The following GABRA2 variants were observed in gnomAD, a reference collection of about 807,000 sequenced individuals.
GABRA2 encodes gamma-aminobutyric acid receptor subunit alpha-2.
A neutral mutation model predicts 48.7 loss-of-function variants in GABRA2; 16 were observed. That is an observed-to-expected ratio of 0.33 (90% confidence interval 0.22 to 0.50). The LOEUF is 0.50. Among genes scored for constraint, GABRA2 ranks in the 20% least tolerant of loss-of-function variants. The pLI is 0.98. For missense variants in GABRA2, 275 were observed against 535.6 expected, an observed-to-expected ratio of 0.51 and a Z score of 4.80; for synonymous variants, 185 against 184.5, an observed-to-expected ratio of 1.00 and a Z score of -0.02.
intron 4 of GABRA2, among the ~76,000 whole-genome samples, chr4:46,327,215 T>A (rs1391864852): frequency 6.6e-6 from 1 of 151,950 alleles, no homozygotes; most frequent in Non-Finnish European, 1.5e-5. Context: ...TAAAGTCAAA[T>A]ACCTTATCAT....
At chr4:46,366,458 A>G (rs1186228807) in intron 3 of GABRA2, 2 of 152,092 alleles carry the variant, frequency 1.3e-5, no homozygotes, top group Non-Finnish European at 2.9e-5. Context: ...CATTGATACC[A>G]CCTTTGTTTG....
chr4:46,265,459 A>ATATATTGTG (rs1491193216), intron 8 of GABRA2, among the ~76,000 whole-genome samples: 6 of 130,658 alleles, frequency 4.6e-5, no homozygotes, highest in Admixed American at 2.5e-4. Context: ...TATATATATA[A>ATATATTGTG]TATATATATA....
rs974717399 is a variant in GABRA2, at chr4:46,243,691, A to C, written c.*6617T>G. 3 of 151,460 alleles carry C rather than the reference A, an allele frequency of 2.0e-5. No individual in the cohort carries two copies. Among genetic ancestry groups the C allele is most frequent in the Non-Finnish European group, 4.4e-5 (3 of 67,572 alleles). 9.4% of individuals were successfully genotyped at this position (151,460 alleles called of 1,614,324 possible). On this transcript the variant is annotated 3_prime_UTR_variant, in exon 10 of 10. Transcript: ENST00000381620. ...CTAGTGGCCTTTCCCAATTACAACAAGGTCACAATTACAAATATTAGTTCT... is the reference window on the plus strand; with the variant it reads ...CTAGTGGCCTTTCCCAATTACAACACGGTCACAATTACAAATATTAGTTCT...
chr4:46,283,212 A>G (rs1380849045), intron 8 of GABRA2, among the ~76,000 whole-genome samples: 2 of 152,174 alleles, frequency 1.3e-5, no homozygotes, highest in Non-Finnish European at 2.9e-5. Flanking sequence ...GACACACAGA[A>G]ATTATTAAGA....
intron 8 of GABRA2, among the ~76,000 whole-genome samples, chr4:46,297,616 G>T (rs1175556743): frequency 5.3e-5 from 8 of 149,654 alleles, no homozygotes; most frequent in Non-Finnish European, 1.2e-4. Flanking sequence ...CCTACTTTCT[G>T]ATTTTATTTT....
intron 3 of GABRA2, chr4:46,365,724 C>G (rs574453732): frequency 1.3e-5 from 2 of 152,214 alleles, no homozygotes; most frequent in Admixed American, 1.3e-4. Context: ...TAAGAACATG[C>G]TCAAACCAGA....
At chr4:46,256,374 A>G in intron 9 of GABRA2, 1 of 610,544 alleles carries the variant, frequency 1.6e-6, no homozygotes, top group South Asian at 2.0e-5. Context: ...ATTGAAGGGG[A>G]CTACAAGAAA....
intron 3 of GABRA2, among the ~76,000 whole-genome samples, chr4:46,334,775 G>T (rs1185895131): frequency 6.6e-6 from 1 of 152,048 alleles, no homozygotes; most frequent in Non-Finnish European, 1.5e-5. Context: ...GTTATTTTTA[G>T]AAAAAGAAAT....
chr4:46,377,764 C>A (rs1305937650), intron 3 of GABRA2, among the ~76,000 whole-genome samples: 2 of 136,704 alleles, frequency 1.5e-5, no homozygotes, highest in Non-Finnish European at 3.2e-5. Context: ...CCAGCCGCCC[C>A]GTCCGGGAAG....
At chr4:46,256,131 T>C (rs920911884) in intron 9 of GABRA2, 2 of 450,756 alleles carry the variant, frequency 4.4e-6, no homozygotes, top group Admixed American at 7.4e-5. Flanking sequence ...AACGTGCTCA[T>C]TGGTCAGATA....
Position 46,250,553 on chromosome 4 carries a change from C to T in GABRA2, c.1111G>A (p.Val371Ile), listed in dbSNP as rs750435359. Residue 371 changes from valine to isoleucine, a missense_variant, in exon 10 of 10, where the codon GTT (valine) becomes ATT (isoleucine). By Grantham distance (29) the Val-to-Ile change is conservative (BLOSUM62 3). This residue lies in a region of GABRA2 where 99 missense variants were observed against 124.3 expected (regional missense o/e 0.80). Transcript: ENST00000381620. ...MIQNNAYAVA[V>I]ANYAPNLSKD... ...GAAAGATTCGGGGCATAATTGGCAA[C>T]AGCCACTGCATAAGCGTTGTTCTGT... 4 of 1,611,406 alleles carry T rather than the reference C, an allele frequency of 2.5e-6. No homozygotes were observed. Among genetic ancestry groups the T allele is most frequent in the Non-Finnish European group, 3.4e-6 (4 of 1,178,410 alleles).
intron 3 of GABRA2, among the ~76,000 whole-genome samples, chr4:46,334,856 T>C (rs909848271): frequency 1.3e-5 from 2 of 152,172 alleles, no homozygotes; most frequent in South Asian, 2.1e-4. Context: ...TGTCCTGCTA[T>C]GGAAGTTCCG....
intron 8 of GABRA2, among the ~76,000 whole-genome samples, chr4:46,296,577 G>A (rs1005133359): frequency 4.8e-5 from 7 of 145,974 alleles, no homozygotes; most frequent in Non-Finnish European, 1.0e-4. Context: ...AGGTCAATGG[G>A]AAATTATAAC....
intron 8 of GABRA2, among the ~76,000 whole-genome samples, chr4:46,273,484 CAT>C (rs1250189953): frequency 3.9e-3 from 73 of 18,890 alleles, no homozygotes; most frequent in Admixed American, 5.6e-3. Context: ...TATATATATG[CAT>C]ATATATATAT....
intron 8 of GABRA2, among the ~76,000 whole-genome samples, chr4:46,291,622 C>A (rs1218789076): frequency 6.6e-6 from 1 of 152,040 alleles, no homozygotes; most frequent in Non-Finnish European, 1.5e-5. Context: ...ATATATTTCG[C>A]CCAGGCTGAA....
Position 46,346,459 on chromosome 4 carries a change from C to G in GABRA2, c.188-13777G>C, listed in dbSNP as rs968984254. On this transcript the variant is annotated intron_variant, in intron 3 of 9. Coordinates refer to ENST00000381620, the MANE Select transcript of GABRA2 (RefSeq NM_000807.4). ...GGTACAATCATTTTTTAGTATAGTT[C>G]TAAGTTTTGTCTTTGATATATTGTA... 2.6e-5 allele frequency among the ~76,000 whole-genome samples: 4 copies of G among 151,362 alleles called. No individual in the cohort carries two copies. The South Asian group carries it at 8.3e-4, about 31-fold the overall frequency.
At position 46,246,921 on chromosome 4, in the gene GABRA2, T is replaced by C. The variant is rs575766864; in HGVS notation, c.*3387A>G. Among the ~76,000 whole-genome samples, 9 of 151,292 alleles carry C rather than the reference T, an allele frequency of 5.9e-5. No homozygotes were observed. The East Asian group carries it at 1.8e-3, about 30-fold the overall frequency. ...CCGGCCATGCCAAAGAAAAGTACTT[T>C]GGTGCTCTTCTGGAATCCATGATTA... is the stretch of plus-strand genomic sequence containing the variant. On this transcript the variant is annotated 3_prime_UTR_variant, in exon 10 of 10. Transcript: ENST00000381620.
chr4:46,352,634 G>A (rs1735315662), intron 3 of GABRA2, among the ~76,000 whole-genome samples: 1 of 152,012 alleles, frequency 6.6e-6, no homozygotes, highest in Non-Finnish European at 1.5e-5. Context: ...GCCCACATAA[G>A]AGAAATTTTA....
chr4:46,332,607 A>G lies in GABRA2; in HGVS notation c.255+8T>C, dbSNP rs776935541. On this transcript the variant is annotated splice_region_variant and intron_variant, in intron 4 of 9. Transcript: ENST00000381620. Reference sequence around the variant, plus strand: ...TGAAGTAAAAATACTATTTAATGAAAAACTCACCATATCTGTATCTGAGAC... The same window carrying G: ...TGAAGTAAAAATACTATTTAATGAAGAACTCACCATATCTGTATCTGAGAC... 9 of 1,553,886 alleles carry G rather than the reference A, an allele frequency of 5.8e-6. No homozygotes were observed. The highest frequency in any genetic ancestry group is 5.3e-6 in the Non-Finnish European group (6 of 1,126,226).
Sources: gnomAD v4.1 joint callset for allele counts (sites outside exome capture counted in the v4.1 genomes callset) on GRCh38, gnomAD v4.1.1 for gene constraint, gnomAD v4.1.1 regional missense constraint, MANE v1.5 for transcripts, NCBI Gene and HGNC (gene_info 2026-07-23, HGNC 2026-07-21) for gene names.